VPS9D1: variants seen among roughly 807,000 people sequenced by gnomAD.
The protein encoded by VPS9D1 is VPS9 domain containing 1, also known as VPS9 domain-containing protein 1.
In VPS9D1, 78 loss-of-function variants were observed where a neutral mutation model predicts 75.8. The ratio of observed to expected loss-of-function variants is 1.03; its 90% CI spans 0.86 to 1.24. VPS9D1 has a LOEUF of 1.24. Ranked by LOEUF, VPS9D1 falls within the 50% of genes most tolerant of loss-of-function variation. VPS9D1 has a pLI of 0.00. For missense variants in VPS9D1, 1,057 were observed against 847.7 expected (o/e 1.25, Z -3.07); for synonymous variants, 481 against 385.6 (o/e 1.25, Z -2.90).
Position 89,709,205 on chromosome 16 carries a change from CCT to C in VPS9D1, c.1597+20_1597+21del, listed in dbSNP as rs757497688. 119 of 1,611,704 alleles carry C rather than the reference CCT, an allele frequency of 7.4e-5. No homozygotes were observed. Among genetic ancestry groups the C allele is most frequent in the African/African-American group, 1.3e-4 (10 of 75,002 alleles). On this transcript the variant is annotated intron_variant, in intron 12 of 14. Coordinates refer to ENST00000389386, the MANE Select transcript of VPS9D1 (RefSeq NM_004913.3). ...ACTGGGATGGGAGCCTGTCCCTCCC[CCT>C]GACTCTCGAACCTGCTGACCTATGC...
chr16:89,707,836 G>A lies in VPS9D1; in HGVS notation c.*25C>T. On this transcript the variant is annotated 3_prime_UTR_variant, in exon 15 of 15. Transcript: ENST00000389386. ...GCCCTGGGAGGCGAGGCCAGGCCCT[G>A]CAGGGACCCTGGGCTCTAGCTGTAC... 1 of 1,610,548 alleles carries A rather than the reference G, an allele frequency of 6.2e-7. No individual in the cohort carries two copies. The highest frequency in any genetic ancestry group is 8.5e-7 in the Non-Finnish European group (1 of 1,177,908).
At position 89,711,886 on chromosome 16, in the gene VPS9D1, T is replaced by G. The variant is rs1270967207; in HGVS notation, c.743A>C (p.Asp248Ala). Residue 248 changes from aspartate (D) to alanine (A), a missense_variant, in exon 8 of 15, where the codon GAC (aspartate) becomes GCC (alanine). Coordinates refer to ENST00000389386, the MANE Select transcript of VPS9D1 (RefSeq NM_004913.3). ...CTGGGCCCGTGGGGGACGCACATGG[T>G]CCTGTTCGTACTCCAGGATGGCGGC... ...LYAAILEYEQ[D>A]HDWPKHWKAK... The G allele has an allele frequency of 7.1e-6, 11 of 1,550,714 alleles. No homozygotes were observed. The highest frequency in any genetic ancestry group is 1.2e-5 in the South Asian group (1 of 84,084).
rs997649335 is a variant in VPS9D1, at chr16:89,712,659, A to C, written c.489T>G (p.Tyr163Ter). 6.2e-7 allele frequency: 1 copy of C among 1,612,242 alleles called. No individual in the cohort carries two copies. The highest frequency in any genetic ancestry group is 2.2e-5 in the East Asian group (1 of 44,822). ...GGTCTAGCCGCGCCATTCGGGCCTC[A>C]TACGCAGCCTTCAGCTTCTGATTCT... ...SLQNQKLKAA[Y>*]EARMARLDPS... Residue 163 changes from tyrosine (Y) to a stop codon, truncating the protein, a stop_gained, in exon 5 of 15, where the codon TAT (tyrosine) becomes TAG (stop). Transcript: ENST00000389386. LOFTEE classifies it high-confidence loss of function.
chr16:89,716,591 G>A lies in VPS9D1; in HGVS notation c.302C>T (p.Ala101Val). 6.2e-7 allele frequency: 1 copy of A among 1,613,836 alleles called. No homozygotes were observed. The highest frequency in any genetic ancestry group is 8.5e-7 in the Non-Finnish European group (1 of 1,179,850). Residue 101 changes from alanine (A) to valine (V), a missense_variant, in exon 4 of 15, where the codon GCT becomes GTT. Ala to Val is a moderately conservative substitution (Grantham distance 64). Transcript: ENST00000389386. ...KTRLKPTMPAAAPIPQPAGRH... is the reference protein window; with the variant it reads ...KTRLKPTMPAVAPIPQPAGRH... ...GCCGGCAGGCTGGGGAATGGGAGCA[G>A]CTGCAGGCATGGTTGGCTTCAGGCG...
At chr16:89,720,155 G>A (rs2061212102) in intron 1 of VPS9D1, among the ~76,000 whole-genome samples, 1 of 152,174 alleles carries the variant, frequency 6.6e-6, no homozygotes, top group Non-Finnish European at 1.5e-5. Context: ...AAACCAACTT[G>A]GGGAAAGCAG....
At position 89,708,944 on chromosome 16, in the gene VPS9D1, C is replaced by T. The variant is rs374177055; in HGVS notation, c.1610G>A (p.Arg537Gln). ...GTCTTCCGCACAGACACAGATGATC[C>T]GCAGGGTCCGCACTGCGCCCCAGAC... ...KKLECIVRTL[R>Q]IICVCAEDYC... is the part of the protein sequence containing the mutation. Residue 537 changes from arginine to glutamine, a missense_variant, in exon 13 of 15, where the codon CGG becomes CAG. Arg to Gln is a conservative substitution (Grantham distance 43). Coordinates refer to ENST00000389386, the MANE Select transcript of VPS9D1 (RefSeq NM_004913.3). The T allele has an allele frequency of 1.5e-4, 247 of 1,602,128 alleles. No homozygotes were observed. The highest frequency in any genetic ancestry group is 9.3e-4 in the Middle Eastern group (5 of 5,352).
intron 6 of VPS9D1, 167 bp from the exon 7 acceptor site, chr16:89,712,266 G>T (rs1027858997): frequency 3.8e-6 from 5 of 1,325,676 alleles, no homozygotes; most frequent in Non-Finnish European, 5.2e-6. Flanking sequence ...CAAGCCAGGA[G>T]GGCCGGGCCA....
intron 5 of VPS9D1, 32 bp downstream of exon 5, chr16:89,712,573 G>A: frequency 6.2e-7 from 1 of 1,607,756 alleles, no homozygotes; most frequent in Non-Finnish European, 8.5e-7. Context: ...CCGCGCCCAC[G>A]CACCCCCAGG....
At position 89,709,764 on chromosome 16, in the gene VPS9D1, GC is replaced by G; in HGVS notation, c.1388+12del. 6 of 1,613,462 alleles carry G rather than the reference GC, an allele frequency of 3.7e-6. No individual in the cohort carries two copies. Among genetic ancestry groups the G allele is most frequent in the Non-Finnish European group, 5.1e-6 (6 of 1,179,910 alleles). On this transcript the variant is annotated intron_variant, in intron 11 of 14. Coordinates refer to ENST00000389386, the MANE Select transcript of VPS9D1 (RefSeq NM_004913.3). Reference sequence around the variant, plus strand: ...ACTAGGCCACGCAGGTGGTTGTACAGCTGGGTCCATACCTGTACAGGGCCAG... The same window carrying G: ...ACTAGGCCACGCAGGTGGTTGTACAGTGGGTCCATACCTGTACAGGGCCAG...
At chr16:89,717,980 C>T (rs777469842) in intron 2 of VPS9D1, 29 of 452,060 alleles carry the variant, frequency 6.4e-5, no homozygotes, top group South Asian at 4.2e-4. Flanking sequence ...TGTGCTCCCA[C>T]GTCCAGTGGC....
At chr16:89,717,697 C>T (rs1199473432) in intron 2 of VPS9D1, 4 of 456,450 alleles carry the variant, frequency 8.8e-6, no homozygotes, top group African/African-American at 8.0e-5. Flanking sequence ...ACTGGAGTTC[C>T]TCTGTCTTCT....
intron 6 of VPS9D1, 90 bp from the exon 7 acceptor site, chr16:89,712,189 C>G: frequency 6.6e-7 from 1 of 1,521,952 alleles, no homozygotes; most frequent in Non-Finnish European, 8.9e-7. Flanking sequence ...CGGGACGTCC[C>G]AGGGACCTCC....
At position 89,716,725 on chromosome 16, in the gene VPS9D1, C is replaced by A; in HGVS notation, c.268+5G>T. ...CAGGAGAGCCGCCTACTGCAGGAGA[C>A]CCACCAAGCTTGGCGGCCGTCGACT... is the stretch of plus-strand genomic sequence containing the variant. On this transcript the variant is annotated splice_donor_5th_base_variant and intron_variant, in intron 3 of 14. Transcript: ENST00000389386. 1.9e-6 allele frequency: 3 copies of A among 1,588,956 alleles called. No homozygotes were observed. Among genetic ancestry groups the A allele is most frequent in the Non-Finnish European group, 2.6e-6 (3 of 1,167,076 alleles).
Position 89,719,045 on chromosome 16 carries a change from C to T in VPS9D1, c.157G>A (p.Glu53Lys). 1 of 1,613,538 alleles carries T rather than the reference C, an allele frequency of 6.2e-7. No homozygotes were observed. Among genetic ancestry groups the T allele is most frequent in the Non-Finnish European group, 8.5e-7 (1 of 1,179,900 alleles). Residue 53 changes from glutamate to lysine, a missense_variant, in exon 2 of 15, where the codon GAA becomes AAA. Coordinates refer to ENST00000389386, the MANE Select transcript of VPS9D1 (RefSeq NM_004913.3). ...IHYISQVLLE[E>K]VETTKEAGET... ...GCCGTACCTTTAGTGGTTTCCACTTCTTCTAGTAACACCTGGGAGATATAG... is the reference window on the plus strand; with the variant it reads ...GCCGTACCTTTAGTGGTTTCCACTTTTTCTAGTAACACCTGGGAGATATAG...
Position 89,710,653 on chromosome 16 carries a change from A to C in VPS9D1, c.1191T>G (p.Arg397=), listed in dbSNP as rs1294449941. ...GCAGCTGGGGCTCCGGCTGTACCCC[A>C]CGGCCCCGGCCCTGCCGCTCAGACG... ...LGTSERQGRG[R]GVQPEPQLQQ... Residue 397 remains arginine (R), a synonymous_variant, in exon 10 of 15, where the codon CGT becomes CGG. Transcript: ENST00000389386. 2 of 1,611,458 alleles carry C rather than the reference A, an allele frequency of 1.2e-6. No individual in the cohort carries two copies. Among genetic ancestry groups the C allele is most frequent in the Non-Finnish European group, 1.7e-6 (2 of 1,179,456 alleles).
At chr16:89,716,970 C>T in intron 2 of VPS9D1, 148 bp from the exon 3 acceptor site, 1 of 601,568 alleles carries the variant, frequency 1.7e-6, no homozygotes, top group South Asian at 2.3e-5. Context: ...GCCCCCCCAT[C>T]CCCTCACTGA....
chr16:89,714,638 G>GACT (rs1166615662), intron 4 of VPS9D1, among the ~76,000 whole-genome samples: 2 of 152,218 alleles, frequency 1.3e-5, no homozygotes, highest in Non-Finnish European at 2.9e-5. Flanking sequence ...CTCCCACTTG[G>GACT]GAGTCACTGG....
intron 2 of VPS9D1, chr16:89,718,073 T>C (rs1285223279): frequency 2.2e-6 from 1 of 454,164 alleles, no homozygotes; most frequent in South Asian, 1.6e-5. Context: ...CTGACCTCTG[T>C]GCTCTATGTC....
chr16:89,717,340 G>A, intron 2 of VPS9D1: 1 of 351,178 alleles, frequency 2.8e-6, no homozygotes, highest in African/African-American at 2.1e-5. Flanking sequence ...ACTTGCAACT[G>A]CAGGCCTCTG....
Sources: allele counts gnomAD v4.1 joint callset (sites outside exome capture counted in the v4.1 genomes callset), GRCh38; gene constraint gnomAD v4.1.1; transcripts MANE v1.5; gene names NCBI Gene and HGNC (gene_info 2026-07-23, HGNC 2026-07-21).